The following RALGAPA1 variants were observed in gnomAD, a reference collection of about 807,000 sequenced individuals.
RALGAPA1 encodes ral GTPase-activating protein subunit alpha-1.
RALGAPA1 carries 52 observed loss-of-function variants against 269.6 expected under a neutral mutation model. The observed-to-expected ratio is 0.19, with a 90% confidence interval of 0.15 to 0.24. RALGAPA1 has a LOEUF of 0.24. RALGAPA1 is among the 10% of genes least tolerant of loss of function. The pLI is 1.00. For synonymous variants in RALGAPA1, 817 were observed against 1,008.3 expected (o/e 0.81, Z 3.60); for missense variants, 1,917 against 3,013.9 (o/e 0.64, Z 8.52).
At chr14:35,673,642 G>A (rs1166343090) in intron 24 of RALGAPA1, among the ~76,000 whole-genome samples, 6 of 151,956 alleles carry the variant, frequency 3.9e-5, no homozygotes, top group East Asian at 1.9e-4. Flanking sequence ...GTGCAATGGC[G>A]CCATCTCAGC....
In RALGAPA1 at chr14:35,656,004, C is replaced by T. The variant is rs1404774488; in HGVS notation, c.5388-89G>A. 5.0e-6 allele frequency: 8 copies of T among 1,586,802 alleles called. No individual in the cohort carries two copies. The South Asian group carries it at 7.0e-5, about 14-fold the overall frequency. On this transcript the variant is annotated intron_variant, in intron 28 of 41. Transcript: ENST00000680220. ...AATCAACTGACACAGAATGAACATG[C>T]ACTATTTTAAATGAATTAATGAATT...
chr14:35,785,095 T>C (rs1328310849), intron 1 of RALGAPA1, among the ~76,000 whole-genome samples: 2 of 152,216 alleles, frequency 1.3e-5, no homozygotes, highest in East Asian at 3.8e-4. Context: ...AACAGATAAT[T>C]TCTTGATTCA....
At chr14:35,580,499 A>G (rs949113429) in intron 37 of RALGAPA1, among the ~76,000 whole-genome samples, 2 of 152,202 alleles carry the variant, frequency 1.3e-5, no homozygotes, top group Admixed American at 1.3e-4. Context: ...TGGTGGTGCA[A>G]CATTTCTAAG....
rs74730098 is a variant in RALGAPA1 at position 35,714,239 on chromosome 14, C to A, written c.2266+7449G>T. Among the ~76,000 whole-genome samples the A allele has an allele frequency of 5.2e-3, 785 of 152,214 alleles. 7 individuals carry two copies. The highest frequency in any genetic ancestry group is 0.018 in the African/African-American group (740 of 41,546). On this transcript the variant is annotated intron_variant, in intron 16 of 41. Transcript: ENST00000680220. ...TTTTCAAAGTAGCCGTACCATTTTA[C>A]ACTCCCACTAGCAATATATAAGGAC...
At chr14:35,546,098 T>C (rs1010999075) in intron 41 of RALGAPA1, among the ~76,000 whole-genome samples, 1 of 152,118 alleles carries the variant, frequency 6.6e-6, no homozygotes, top group African/African-American at 2.4e-5. Flanking sequence ...TCAATGACCT[T>C]AGGGATAAAA....
chr14:35,720,413 A>G (rs1224753128), intron 16 of RALGAPA1, among the ~76,000 whole-genome samples: 1 of 152,182 alleles, frequency 6.6e-6, no homozygotes, highest in Non-Finnish European at 1.5e-5. Context: ...AACACTTTAG[A>G]ACCTAATTTT....
At chr14:35,632,488 A>G (rs2061418634) in intron 33 of RALGAPA1, among the ~76,000 whole-genome samples, 1 of 152,210 alleles carries the variant, frequency 6.6e-6, no homozygotes, top group South Asian at 2.1e-4. Flanking sequence ...AAGCTGCTGC[A>G]ATTCACTGCA....
chr14:35,782,623 G>A (rs960757778), intron 1 of RALGAPA1, among the ~76,000 whole-genome samples: 1 of 151,650 alleles, frequency 6.6e-6, no homozygotes, highest in Non-Finnish European at 1.5e-5. Context: ...TAGTAGAGAC[G>A]AGGTTGGCCA....
chr14:35,626,965 T>C lies in RALGAPA1; in HGVS notation c.6857+125A>G, dbSNP rs180705695. The C allele has an allele frequency of 3.2e-6, 3 of 949,826 alleles. No individual in the cohort carries two copies. The Admixed American group carries it at 1.2e-4, about 37-fold the overall frequency. The allele number at this position is 949,826 out of a possible 1,614,324, so 58.8% of individuals were successfully genotyped here. A position where few individuals can be genotyped will look rare whatever the true frequency, so the allele number is the denominator to read the frequency against. On this transcript the variant is annotated intron_variant, in intron 34 of 41. Transcript: ENST00000680220. ...TCTCAAAAAAAAATCTGCAAAAAAA[T>C]GAGTCAAAGAACTAATTGGTAGATA...
intron 31 of RALGAPA1, among the ~76,000 whole-genome samples, chr14:35,642,014 A>G (rs2062063251): frequency 6.6e-6 from 1 of 152,246 alleles, no homozygotes; most frequent in African/African-American, 2.4e-5. Flanking sequence ...TCTCTTCAAT[A>G]TATGGTGCTG....
At chr14:35,665,833 G>A (rs1414676427) in intron 26 of RALGAPA1, among the ~76,000 whole-genome samples, 1 of 152,086 alleles carries the variant, frequency 6.6e-6, no homozygotes, top group Non-Finnish European at 1.5e-5. Flanking sequence ...GGAATATTCA[G>A]GTATGTGCAC....
At chr14:35,619,540 A>G (rs2060472078) in intron 35 of RALGAPA1, among the ~76,000 whole-genome samples, 1 of 152,200 alleles carries the variant, frequency 6.6e-6, no homozygotes, top group East Asian at 1.9e-4. Context: ...AAAACCCTTC[A>G]AATAAATCAA....
At chr14:35,621,001 GA>G (rs1196775926) in intron 35 of RALGAPA1, among the ~76,000 whole-genome samples, 4 of 151,932 alleles carry the variant, frequency 2.6e-5, no homozygotes, top group African/African-American at 9.7e-5. Flanking sequence ...CACAGAATTG[GA>G]AAAAAACTGC....
chr14:35,748,413 C>T (rs2072340203), intron 10 of RALGAPA1, 172 bp downstream of exon 10: 1 of 500,646 alleles, frequency 2.0e-6, no homozygotes, highest in Non-Finnish European at 3.1e-6. Context: ...GCGGTCTCTC[C>T]ATGTTGTCCA....
intron 4 of RALGAPA1, among the ~76,000 whole-genome samples, chr14:35,762,990 C>A (rs1275028070): frequency 2.0e-5 from 3 of 151,780 alleles, no homozygotes; most frequent in Admixed American, 6.6e-5. Context: ...AAACCTAGGC[C>A]CGAAATTGCA....
intron 41 of RALGAPA1, among the ~76,000 whole-genome samples, chr14:35,541,070 G>A (rs955061484): frequency 1.2e-4 from 9 of 72,940 alleles, no homozygotes; most frequent in African/African-American, 4.0e-4. Context: ...TTTTTGAGAC[G>A]GAGTCTCACT....
chr14:35,570,583 T>C (rs764069300), intron 39 of RALGAPA1, 34 bp downstream of exon 39: 9 of 1,548,468 alleles, frequency 5.8e-6, no homozygotes, highest in Middle Eastern at 2.3e-4. Context: ...AGACATACGT[T>C]AGAGTAGAAA....
At chr14:35,553,696 AGGTAT>A (rs1002290114) in intron 39 of RALGAPA1, among the ~76,000 whole-genome samples, 62 of 152,296 alleles carry the variant, frequency 4.1e-4, no homozygotes, top group African/African-American at 1.4e-3. Flanking sequence ...AATGAATATA[AGGTAT>A]AATTTTCACA....
intron 37 of RALGAPA1, among the ~76,000 whole-genome samples, chr14:35,588,525 A>G (rs754210717): frequency 1.3e-5 from 2 of 152,236 alleles, no homozygotes; most frequent in Non-Finnish European, 2.9e-5. Flanking sequence ...TAGGTTTGCA[A>G]TCTAAGATAC....
Sources: gnomAD v4.1 joint callset for allele counts (sites outside exome capture counted in the v4.1 genomes callset) on GRCh38, gnomAD v4.1.1 for gene constraint, MANE v1.5 for transcripts, NCBI Gene and HGNC (gene_info 2026-07-23, HGNC 2026-07-21) for gene names.